Variants in DLGAP2 observed in about 807,000 individuals in gnomAD.
DLGAP2 encodes DLG associated protein 2, also known as disks large-associated protein 2.
A neutral mutation model predicts 100.3 loss-of-function variants in DLGAP2; 26 were observed. The observed-to-expected ratio is 0.26, with a 90% CI of 0.19 to 0.36. DLGAP2 has a LOEUF of 0.36. Ranked by LOEUF, DLGAP2 falls within the 10% of genes least tolerant of loss-of-function variation. The probability of loss-of-function intolerance (pLI) is 1.00; values close to 1 mark genes in which losing one functional copy is unlikely to be tolerated. For missense variants in DLGAP2, 1,858 were observed against 1,453.2 expected (o/e 1.28, Z -4.53); for synonymous variants, 886 against 630.1 (o/e 1.41, Z -6.08).
At chr8:900,766 T>G (rs574689263) in intron 1 of DLGAP2, among the ~76,000 whole-genome samples, 1 of 152,078 alleles carries the variant, frequency 6.6e-6, no homozygotes, top group African/African-American at 2.4e-5. Flanking sequence ...AGCTGAGATA[T>G]TCACTGAAGG....
intron 3 of DLGAP2, among the ~76,000 whole-genome samples, chr8:1,276,524 G>A (rs1026153714): frequency 1.3e-5 from 2 of 152,076 alleles, no homozygotes; most frequent in Admixed American, 6.6e-5. Context: ...CACATGTTCG[G>A]CCTTTGCTTT....
intron 12 of DLGAP2, chr8:1,678,869 A>G (rs1163133893): frequency 4.5e-6 from 2 of 447,082 alleles, no homozygotes; most frequent in Non-Finnish European, 7.6e-6. Context: ...GTTGAATAGA[A>G]AATCAACTGT....
intron 3 of DLGAP2, among the ~76,000 whole-genome samples, chr8:1,383,925 A>T (rs1796153307): frequency 6.6e-6 from 1 of 152,122 alleles, no homozygotes; most frequent in African/African-American, 2.4e-5. Context: ...TTTCACTCCC[A>T]TTCTCTTCTC....
At chr8:936,205 C>G (rs1185971092) in intron 2 of DLGAP2, among the ~76,000 whole-genome samples, 1 of 152,176 alleles carries the variant, frequency 6.6e-6, no homozygotes, top group East Asian at 1.9e-4. Context: ...TCTGTGTGGC[C>G]CGGTCAGCAG....
In DLGAP2 at chr8:1,548,610, TTC is replaced by T. The variant is rs1269238400; in HGVS notation, c.173-14_173-13del. The T allele has an allele frequency of 6.8e-7, 1 of 1,480,858 alleles. No homozygotes were observed. The highest frequency in any genetic ancestry group is 9.0e-7 in the Non-Finnish European group (1 of 1,117,246). The allele number at this position is 1,480,858 out of a possible 1,614,324, so 91.7% of individuals were successfully genotyped here. The stretch of plus-strand genomic sequence containing the variant: ...CGCGCTTCCGGGTGTTCAATGCCGT[TTC>T]TGTTTCCCCACAGACCCGCAGTACT... On this transcript the variant is annotated splice_polypyrimidine_tract_variant and intron_variant, in intron 4 of 14. Transcript: ENST00000637795.
intron 3 of DLGAP2, among the ~76,000 whole-genome samples, chr8:1,496,072 C>T (rs189214581): frequency 2.0e-5 from 3 of 152,286 alleles, no homozygotes; most frequent in Non-Finnish European, 4.4e-5. Flanking sequence ...GAATGTAAAA[C>T]GCCCACTGGC....
chr8:1,639,197 A>G (rs1435673575), intron 8 of DLGAP2, among the ~76,000 whole-genome samples: 1 of 151,942 alleles, frequency 6.6e-6, no homozygotes, highest in African/African-American at 2.4e-5. Context: ...ACCCCCGAAC[A>G]GGAGGGTATA....
At chr8:993,843 G>T (rs906167213) in intron 2 of DLGAP2, among the ~76,000 whole-genome samples, 3 of 142,660 alleles carry the variant, frequency 2.1e-5, no homozygotes, top group Non-Finnish European at 4.5e-5. Flanking sequence ...TTTCTGTTGA[G>T]GGCCTTTCTA....
At chr8:879,374 G>C (rs1422214891) in intron 1 of DLGAP2, among the ~76,000 whole-genome samples, 3 of 152,218 alleles carry the variant, frequency 2.0e-5, no homozygotes, top group African/African-American at 7.2e-5. Flanking sequence ...GGGTTTACTT[G>C]AAGATAGAGG....
chr8:1,055,364 G>A lies in DLGAP2; in HGVS notation c.73+147398G>A, dbSNP rs1046137900. Among the ~76,000 whole-genome samples, 8 of 152,236 alleles carry A rather than the reference G, an allele frequency of 5.3e-5. No homozygotes were observed. In the East Asian group the frequency reaches 1.2e-3, roughly 22 times the overall value. ...TTTCAAATCAGAGTCACAGTGATTT[G>A]GAGTCATCCGTCCCCTGTAAGTCTC... On this transcript the variant is annotated intron_variant, in intron 2 of 14. Transcript: ENST00000637795.
chr8:969,722 G>T (rs11783823), intron 2 of DLGAP2, among the ~76,000 whole-genome samples: 10,369 of 152,216 alleles, frequency 0.068, 497 homozygotes, highest in Admixed American at 0.13. Flanking sequence ...TCCCTGTTCA[G>T]TGATGTCATA....
chr8:1,494,045 G>C (rs917471294), intron 3 of DLGAP2, among the ~76,000 whole-genome samples: 6 of 151,698 alleles, frequency 4.0e-5, no homozygotes, highest in South Asian at 2.1e-4. Flanking sequence ...TCTGCATCGG[G>C]GGGGGCAGTA....
At chr8:1,505,620 T>C (rs1325259283) in intron 4 of DLGAP2, among the ~76,000 whole-genome samples, 2 of 152,204 alleles carry the variant, frequency 1.3e-5, no homozygotes, top group African/African-American at 2.4e-5. Context: ...ATAAGGAAGT[T>C]TTCCATAAAA....
At chr8:1,169,769 A>T (rs1797090162) in intron 2 of DLGAP2, among the ~76,000 whole-genome samples, 1 of 151,808 alleles carries the variant, frequency 6.6e-6, no homozygotes, top group South Asian at 2.1e-4. Flanking sequence ...TTATCAGCTT[A>T]AGGAGATTTT....
chr8:1,552,479 C>A (rs150395618), intron 5 of DLGAP2, among the ~76,000 whole-genome samples: 22 of 152,342 alleles, frequency 1.4e-4, no homozygotes, highest in African/African-American at 4.6e-4. Flanking sequence ...CCTCCTCGGG[C>A]TGTTTCTGTC....
At chr8:1,497,040 A>T (rs866710522) in intron 3 of DLGAP2, among the ~76,000 whole-genome samples, 19 of 152,132 alleles carry the variant, frequency 1.2e-4, no homozygotes, top group South Asian at 2.1e-4. Context: ...TGCCTTCATC[A>T]AGCTCCAGCA....
chr8:767,102 G>T (rs1389380388), intron 1 of DLGAP2, among the ~76,000 whole-genome samples: 5 of 152,148 alleles, frequency 3.3e-5, no homozygotes, highest in African/African-American at 1.2e-4. Flanking sequence ...CATCCCCGGG[G>T]TGCATCTCCT....
chr8:1,155,510 T>A (rs562903986), intron 2 of DLGAP2, among the ~76,000 whole-genome samples: 1 of 152,230 alleles, frequency 6.6e-6, no homozygotes, highest in South Asian at 2.1e-4. Context: ...CTAAAGAGTT[T>A]CCATGGCAGG....
intron 2 of DLGAP2, among the ~76,000 whole-genome samples, chr8:1,140,369 C>G (rs879290981): frequency 7.7e-6 from 1 of 129,100 alleles, no homozygotes; most frequent in South Asian, 2.3e-4. Context: ...ACACCTGCTC[C>G]GTCCTCTTTG....
Sources: allele counts gnomAD v4.1 joint callset (sites outside exome capture counted in the v4.1 genomes callset), GRCh38; gene constraint gnomAD v4.1.1; transcripts MANE v1.5; gene names NCBI Gene and HGNC (gene_info 2026-07-23, HGNC 2026-07-21).